Variants in GRAMD1B observed in about 807,000 individuals in gnomAD.
GRAMD1B encodes the protein GRAM domain containing 1B.
A neutral mutation model predicts 99.7 loss-of-function variants in GRAMD1B; 37 were observed. That is an observed-to-expected ratio of 0.37 (90% CI 0.29 to 0.49). The LOEUF is 0.49. GRAMD1B is among the 20% of genes least tolerant of loss of function. The pLI, the probability that GRAMD1B is intolerant of heterozygous loss-of-function variation, is 0.98. For synonymous variants in GRAMD1B, 427 were observed against 387.6 expected, an observed-to-expected ratio of 1.10 and a Z score of -1.19; for missense variants, 888 against 1,009.2, an observed-to-expected ratio of 0.88 and a Z score of 1.63.
At position 123,608,719 on chromosome 11, in the gene GRAMD1B, A is replaced by C; in HGVS notation, c.1574A>C (p.Asn525Thr). ...CGGCAGTACGTGAATGAAGTCTTCA[A>C]CTTCAGCGTGGACAAGCTCTATGAC... is the stretch of plus-strand genomic sequence containing the variant. ...SGRQYVNEVFNFSVDKLYDLL... is the reference protein window; with the variant it reads ...SGRQYVNEVFTFSVDKLYDLL... The change falls in exon 12 of 20, where the codon AAC (asparagine) becomes ACC (threonine). Residue 525 changes from asparagine to threonine, a missense_variant. Coordinates refer to ENST00000635736, the MANE Select transcript of GRAMD1B (RefSeq NM_001387025.1). 6.4e-7 allele frequency: 1 copy of C among 1,558,810 alleles called. No individual in the cohort carries two copies. Among genetic ancestry groups the C allele is most frequent in the Non-Finnish European group, 8.7e-7 (1 of 1,150,484 alleles).
rs141479071 is a variant in GRAMD1B at position 123,390,863 on chromosome 11, T to C, written c.-176+32064T>C. ...TAGCTTCCCTTTCTTCCCATCTCAC[T>C]TGATTCCATGGCACTTTACTCCACC... On this transcript the variant is annotated intron_variant, in intron 1 of 20. Coordinates refer to the GRAMD1B transcript ENST00000638157. Among the ~76,000 whole-genome samples the C allele has an allele frequency of 1.4e-3, 209 of 152,312 alleles. 2 individuals carry two copies. Among genetic ancestry groups the C allele is most frequent in the African/African-American group, 4.9e-3 (203 of 41,578 alleles).
chr11:123,406,379 G>A (rs1037871424), intron 1 of GRAMD1B, among the ~76,000 whole-genome samples: 3 of 151,810 alleles, frequency 2.0e-5, no homozygotes, highest in Non-Finnish European at 2.9e-5. Context: ...TCAGCCTCCC[G>A]AGTAGCTGGG....
intron 1 of GRAMD1B, among the ~76,000 whole-genome samples, chr11:123,439,682 G>T (rs2134252443): frequency 6.6e-6 from 1 of 152,262 alleles, no homozygotes; most frequent in South Asian, 2.1e-4. Context: ...CGTCACGGAG[G>T]CAGTGCAGGG....
intron 1 of GRAMD1B, among the ~76,000 whole-genome samples, chr11:123,470,161 A>T (rs1950939592): frequency 6.6e-6 from 1 of 152,216 alleles, no homozygotes; most frequent in South Asian, 2.1e-4. Context: ...AGTCATATTC[A>T]GGACTCCTGC....
chr11:123,592,103 C>T (rs575378169), intron 4 of GRAMD1B, among the ~76,000 whole-genome samples: 15 of 152,248 alleles, frequency 9.9e-5, no homozygotes, highest in African/African-American at 3.6e-4. Flanking sequence ...GCCTGACATC[C>T]GGTTTCACCT....
intron 2 of GRAMD1B, among the ~76,000 whole-genome samples, chr11:123,488,390 C>A (rs75950719): frequency 0.075 from 11,441 of 152,206 alleles, 520 homozygotes; most frequent in Middle Eastern, 0.14. Context: ...CCCCCCGGAG[C>A]TCTCCAGGCC....
At chr11:123,380,714 T>C (rs998252417) in intron 1 of GRAMD1B, among the ~76,000 whole-genome samples, 1 of 152,188 alleles carries the variant, frequency 6.6e-6, no homozygotes, top group African/African-American at 2.4e-5. Context: ...CTTCCTCCTT[T>C]GGATCTCTTG....
At chr11:123,472,837 A>G (rs575133230) in intron 1 of GRAMD1B, among the ~76,000 whole-genome samples, 125 of 152,296 alleles carry the variant, frequency 8.2e-4, no homozygotes, top group Admixed American at 3.1e-3. Flanking sequence ...GGCAAAGAGA[A>G]GGGAAGATGG....
At chr11:123,425,797 C>G (rs990762214), upstream of GRAMD1B, among the ~76,000 whole-genome samples, 2 of 152,246 alleles carry the variant, frequency 1.3e-5, no homozygotes, top group African/African-American at 2.4e-5. Context: ...CTCCTCCACA[C>G]TGCTTCTCTA....
At position 123,550,713 on chromosome 11, in the gene GRAMD1B, A is replaced by G. The variant is rs111684575; in HGVS notation, c.453-26654A>G. On this transcript the variant is annotated intron_variant, in intron 2 of 19. Coordinates refer to ENST00000635736, the MANE Select transcript of GRAMD1B (RefSeq NM_001387025.1). Reference sequence around the variant, plus strand: ...TCCCTCATTAAGACCTTAATCCAGGATTAAGAAAAGGTCAGTTACCTCTGC... The same window carrying G: ...TCCCTCATTAAGACCTTAATCCAGGGTTAAGAAAAGGTCAGTTACCTCTGC... 3.4e-3 allele frequency among the ~76,000 whole-genome samples: 525 copies of G among 152,288 alleles called. 3 individuals carry two copies. The highest frequency in any genetic ancestry group is 0.014 in the Middle Eastern group (4 of 294).
intron 1 of GRAMD1B, among the ~76,000 whole-genome samples, chr11:123,451,310 A>G (rs1188293979): frequency 6.6e-6 from 1 of 152,168 alleles, no homozygotes; most frequent in Non-Finnish European, 1.5e-5. Flanking sequence ...TTGTTCCTGC[A>G]TCCTGTGGGG....
chr11:123,473,489 C>T (rs1029855047), intron 1 of GRAMD1B, among the ~76,000 whole-genome samples: 14 of 152,136 alleles, frequency 9.2e-5, no homozygotes, highest in Non-Finnish European at 2.1e-4. Context: ...CCAGGCTGGT[C>T]TCAAAACTCC....
chr11:123,558,700 A>T (rs1025734775), intron 2 of GRAMD1B, among the ~76,000 whole-genome samples: 1 of 152,216 alleles, frequency 6.6e-6, no homozygotes, highest in African/African-American at 2.4e-5. Flanking sequence ...GAGCCAGACA[A>T]GGAGGGAGGC....
At chr11:123,619,834 G>A (rs78611978) in intron 19 of GRAMD1B, among the ~76,000 whole-genome samples, 1,989 of 152,298 alleles carry the variant, frequency 0.013, 18 homozygotes, top group Non-Finnish European at 0.02. Flanking sequence ...GAATAGTTTA[G>A]TATCATAAAA....
intron 1 of GRAMD1B, among the ~76,000 whole-genome samples, chr11:123,383,012 C>G (rs1946934967): frequency 6.6e-6 from 1 of 152,174 alleles, no homozygotes; most frequent in Non-Finnish European, 1.5e-5. Flanking sequence ...GGGCCAGCCT[C>G]CTGGGTCACA....
At chr11:123,592,868 G>A (rs536940054) in intron 4 of GRAMD1B, among the ~76,000 whole-genome samples, 1 of 151,936 alleles carries the variant, frequency 6.6e-6, no homozygotes, top group Non-Finnish European at 1.5e-5. Flanking sequence ...TGTCACCCCC[G>A]GTGCTCCTCA....
At chr11:123,550,442 C>T (rs1945499722) in intron 2 of GRAMD1B, among the ~76,000 whole-genome samples, 1 of 152,190 alleles carries the variant, frequency 6.6e-6, no homozygotes, top group Admixed American at 6.5e-5. Flanking sequence ...CACACTCACT[C>T]TGCCATTGTC....
chr11:123,521,196 C>T (rs1306226950), intron 2 of GRAMD1B, among the ~76,000 whole-genome samples: 1 of 152,206 alleles, frequency 6.6e-6, no homozygotes, highest in East Asian at 1.9e-4. Context: ...CCACTAGCTC[C>T]TTTCCAACAC....
At chr11:123,605,199 A>G (rs1181993382) in intron 9 of GRAMD1B, 123 bp from the exon 10 acceptor site, 2 of 647,734 alleles carry the variant, frequency 3.1e-6, no homozygotes, top group Non-Finnish European at 2.4e-6. Context: ...GGAAGATCAT[A>G]CACAAAGCAA....
Sources: gnomAD v4.1 joint callset for allele counts (sites outside exome capture counted in the v4.1 genomes callset) on GRCh38, gnomAD v4.1.1 for gene constraint, MANE v1.5 for transcripts, NCBI Gene and HGNC (gene_info 2026-07-23, HGNC 2026-07-21) for gene names.